The following ATRNL1 variants were observed in gnomAD, a reference collection of about 807,000 sequenced individuals.
The protein encoded by ATRNL1 is attractin like 1.
ATRNL1 carries 95 observed loss-of-function variants against 182.7 expected under a neutral mutation model. The ratio of observed to expected loss-of-function variants is 0.52; its 90% confidence interval spans 0.44 to 0.62. ATRNL1 has a LOEUF of 0.62. Among genes scored for constraint, ATRNL1 ranks in the 20% least tolerant of loss-of-function variants. The pLI is 0.00. For missense variants in ATRNL1, 1,471 were observed against 1,679.5 expected, an observed-to-expected ratio of 0.88 and a Z score of 2.17; for synonymous variants, 576 against 568.3, an observed-to-expected ratio of 1.01 and a Z score of -0.19.
intron 1 of ATRNL1, among the ~76,000 whole-genome samples, chr10:115,113,922 A>C (rs1844367568): frequency 6.6e-6 from 1 of 152,182 alleles, no homozygotes; most frequent in Non-Finnish European, 1.5e-5. Flanking sequence ...TTGCTTACAA[A>C]AGCTTCTTGA....
chr10:115,715,038 A>G (rs1947205997), intron 26 of ATRNL1, among the ~76,000 whole-genome samples: 1 of 152,216 alleles, frequency 6.6e-6, no homozygotes, highest in African/African-American at 2.4e-5. Context: ...GAGCATCATT[A>G]GACCAAGAGA....
chr10:115,350,030 A>G (rs79137705), intron 19 of ATRNL1, among the ~76,000 whole-genome samples: 1,776 of 152,212 alleles, frequency 0.012, 8 homozygotes, highest in Non-Finnish European at 0.019. Context: ...GCCCAGACCA[A>G]TGTTCTGTAG....
intron 8 of ATRNL1, among the ~76,000 whole-genome samples, chr10:115,180,772 T>C (rs144951134): frequency 1.3e-3 from 194 of 152,030 alleles, no homozygotes; most frequent in African/African-American, 4.4e-3. Context: ...CTATCAAAAA[T>C]AATTTTGAAC....
intron 24 of ATRNL1, among the ~76,000 whole-genome samples, chr10:115,469,790 C>A (rs1848219724): frequency 6.6e-6 from 1 of 150,396 alleles, no homozygotes. Flanking sequence ...CATTAATTTC[C>A]TAATCTGTAC....
chr10:115,492,864 C>T (rs1171717217), intron 24 of ATRNL1, among the ~76,000 whole-genome samples: 1 of 151,802 alleles, frequency 6.6e-6, no homozygotes, highest in Non-Finnish European at 1.5e-5. Context: ...AGGATAGTCT[C>T]AGTCTCCTGA....
chr10:115,175,259 AT>A lies in ATRNL1; in HGVS notation c.1348+3968del, dbSNP rs782010857. On this transcript the variant is annotated intron_variant, in intron 8 of 28. Coordinates refer to ENST00000355044, the MANE Select transcript of ATRNL1 (RefSeq NM_207303.4). ...CGTTTGTCCCACTCAGCCATCAGAC[AT>A]AATGGTGGTTATGCTTTCCAAGGAT... Among the ~76,000 whole-genome samples, 160 of 152,188 alleles carry A rather than the reference AT, an allele frequency of 1.1e-3. 3 individuals are homozygous for A. The highest frequency in any genetic ancestry group is 2.9e-4 in the Non-Finnish European group (20 of 67,958).
At chr10:115,390,998 ATTC>A (rs1554954194) in intron 19 of ATRNL1, among the ~76,000 whole-genome samples, 1 of 152,104 alleles carries the variant, frequency 6.6e-6, no homozygotes, top group Non-Finnish European at 1.5e-5. Context: ...TTGATTTTGT[ATTC>A]TTCAACTTTA....
At chr10:115,463,707 C>T (rs145991076) in intron 22 of ATRNL1, among the ~76,000 whole-genome samples, 244 of 152,054 alleles carry the variant, frequency 1.6e-3, no homozygotes, top group Non-Finnish European at 3.0e-3. Flanking sequence ...CTACTCTCTG[C>T]CTGTATTAAT....
intron 26 of ATRNL1, among the ~76,000 whole-genome samples, chr10:115,624,940 A>T (rs1857994609): frequency 6.6e-6 from 1 of 152,130 alleles, no homozygotes; most frequent in Admixed American, 6.6e-5. Flanking sequence ...CCCTTAGAAG[A>T]TTTCAAATGT....
Position 115,389,538 on chromosome 10 carries a change from GTGTATATATATATATATATATATATATA to G in ATRNL1, c.3176-5119_3176-5092del, listed in dbSNP as rs1421848882. On this transcript the variant is annotated intron_variant, in intron 19 of 28. Transcript: ENST00000355044. ...AGCTGAATAGTATTCAAATGTGTAT[GTGTATATATATATATATATATATATATA>G]TATATATATATATATATATATATAT... Among the ~76,000 whole-genome samples, 10 of 51,414 alleles carry G rather than the reference GTGTATATATATATATATATATATATATA, an allele frequency of 1.9e-4. No homozygotes were observed. The East Asian group carries it at 5.1e-3, about 26-fold the overall frequency. The allele number at this position is 51,414 out of a possible 152,430, so 33.7% of individuals were successfully genotyped here.
intron 27 of ATRNL1, among the ~76,000 whole-genome samples, chr10:115,777,394 T>C (rs1328805160): frequency 6.6e-6 from 1 of 152,138 alleles, no homozygotes; most frequent in Non-Finnish European, 1.5e-5. Flanking sequence ...CTTGATATAC[T>C]AAAATATCAA....
At chr10:115,708,802 C>T (rs1376641197) in intron 26 of ATRNL1, among the ~76,000 whole-genome samples, 1 of 151,758 alleles carries the variant, frequency 6.6e-6, no homozygotes. Flanking sequence ...TTGCTAATGT[C>T]TGTGGTGTAT....
intron 26 of ATRNL1, among the ~76,000 whole-genome samples, chr10:115,696,136 G>A (rs1447382091): frequency 8.9e-6 from 1 of 111,752 alleles, no homozygotes; most frequent in African/African-American, 2.6e-5. Context: ...CTGAGCTCGT[G>A]ATCCGCCTGC....
At chr10:115,200,696 A>G (rs1214034059) in intron 8 of ATRNL1, among the ~76,000 whole-genome samples, 2 of 141,690 alleles carry the variant, frequency 1.4e-5, no homozygotes, top group African/African-American at 5.4e-5. Context: ...ATACATGTGC[A>G]TGTGTCTTTA....
intron 27 of ATRNL1, among the ~76,000 whole-genome samples, chr10:115,738,126 ATTTTTTTTTTTTTTTT>A (rs10546896): frequency 2.1e-4 from 10 of 47,112 alleles, no homozygotes; most frequent in African/African-American, 6.6e-4. Flanking sequence ...GAAGATAATG[ATTTTTTTTTTTTTTTT>A]TTTTTTTTTT....
chr10:115,242,104 A>G (rs1850447046), intron 10 of ATRNL1, among the ~76,000 whole-genome samples: 1 of 152,060 alleles, frequency 6.6e-6, no homozygotes, highest in South Asian at 2.1e-4. Flanking sequence ...AGGAATGTAA[A>G]CATTTTAGAT....
intron 1 of ATRNL1, among the ~76,000 whole-genome samples, chr10:115,117,364 C>A (rs782786663): frequency 2.0e-5 from 3 of 152,036 alleles, no homozygotes; most frequent in Non-Finnish European, 4.4e-5. Context: ...CACTACCCTT[C>A]CCAGCCTCTG....
intron 28 of ATRNL1, among the ~76,000 whole-genome samples, chr10:115,910,248 A>G (rs1195010921): frequency 1.3e-5 from 2 of 152,188 alleles, no homozygotes; most frequent in East Asian, 3.9e-4. Context: ...CTGCTACCAC[A>G]TTCTCAGCTG....
intron 28 of ATRNL1, among the ~76,000 whole-genome samples, chr10:115,852,222 T>C (rs1200931031): frequency 2.6e-5 from 4 of 152,168 alleles, no homozygotes; most frequent in Non-Finnish European, 1.5e-5. Context: ...TCATATATGA[T>C]TGACTATACC....
Sources: allele counts gnomAD v4.1 joint callset (sites outside exome capture counted in the v4.1 genomes callset), GRCh38; gene constraint gnomAD v4.1.1; transcripts MANE v1.5; gene names NCBI Gene and HGNC (gene_info 2026-07-23, HGNC 2026-07-21).